LRFN3: variants seen among roughly 807,000 people sequenced by gnomAD.
The protein encoded by LRFN3 is leucine rich repeat and fibronectin type III domain containing 3, also known as leucine-rich repeat and fibronectin type-III domain-containing protein 3.
In LRFN3, 8 loss-of-function variants were observed where a neutral mutation model predicts 23.8. The observed-to-expected ratio is 0.34, with a 90% CI of 0.20 to 0.61. LRFN3 has a LOEUF of 0.61. LRFN3 is among the 20% of genes least tolerant of loss of function. The probability of loss-of-function intolerance (pLI) is 0.80; values close to 1 mark genes in which losing one functional copy is unlikely to be tolerated. For synonymous variants in LRFN3, 451 were observed against 450.6 expected, an observed-to-expected ratio of 1.00 and a Z score of -0.01; for missense variants, 736 against 935.3, an observed-to-expected ratio of 0.79 and a Z score of 2.78.
At position 35,939,425 on chromosome 19, in the gene LRFN3, G is replaced by C. The variant is rs141212692; in HGVS notation, c.-1G>C. 103 of 1,578,068 alleles carry C rather than the reference G, an allele frequency of 6.5e-5. No individual in the cohort carries two copies. In the African/African-American group the frequency reaches 1.2e-3, roughly 18 times the overall value. On this transcript the variant is annotated 5_prime_UTR_variant, in exon 2 of 3. Coordinates refer to ENST00000246529, the MANE Select transcript of LRFN3 (RefSeq NM_024509.2). The surrounding 1 kb of genome is among the most constrained non-coding windows in gnomAD (Gnocchi z 6.4). ...TTCTCCGCAGGACACCCCTGCCCGC[G>C]ATGGCCATCCTCCCGTTGCTCCTGT...
Position 35,940,082 on chromosome 19 carries a change from C to A in LRFN3, c.657C>A (p.Ile219=), listed in dbSNP as rs761895890. 1 of 1,612,224 alleles carries A rather than the reference C, an allele frequency of 6.2e-7. No individual in the cohort carries two copies. The highest frequency in any genetic ancestry group is 1.1e-5 in the South Asian group (1 of 91,066). Residue 219 remains isoleucine (I), a synonymous_variant, in exon 2 of 3, where the codon ATC becomes ATA. Transcript: ENST00000246529. ...LDMTSNRLTT[I]PPDPLFSRLP... is the part of the protein sequence containing the mutation. Reference sequence around the variant, plus strand: ...TGACCTCCAACCGCCTGACCACAATCCCACCCGACCCACTCTTCTCCCGCC... The same window carrying A: ...TGACCTCCAACCGCCTGACCACAATACCACCCGACCCACTCTTCTCCCGCC...
Position 35,940,112 on chromosome 19 carries a change from C to T in LRFN3, c.687C>T (p.Pro229=), listed in dbSNP as rs1457554833. 2 of 1,611,648 alleles carry T rather than the reference C, an allele frequency of 1.2e-6. No individual in the cohort carries two copies. Among genetic ancestry groups the T allele is most frequent in the Non-Finnish European group, 1.7e-6 (2 of 1,179,504 alleles). The change falls in exon 2 of 3, where the codon CCC becomes CCT. Residue 229 remains proline (P), a synonymous_variant. Coordinates refer to ENST00000246529, the MANE Select transcript of LRFN3 (RefSeq NM_024509.2). ...CCGACCCACTCTTCTCCCGCCTGCC[C>T]CTGCTCGCCAGGCCCCGGGGCTCGC... ...IPPDPLFSRL[P]LLARPRGSPA...
Position 35,944,446 on chromosome 19 carries a change from G to C in LRFN3, c.1416-102G>C, listed in dbSNP as rs1976152957. 4.3e-6 allele frequency: 3 copies of C among 692,518 alleles called. No homozygotes were observed. In the South Asian group the frequency reaches 7.7e-5, roughly 18 times the overall value. 42.9% of individuals were successfully genotyped at this position (692,518 alleles called of 1,614,324 possible). The stretch of plus-strand genomic sequence containing the variant: ...TCATTGGGTAGAATGAAATGAAGGA[G>C]TGGACTGGTGGGAAGTCTAGCCCCG... On this transcript the variant is annotated intron_variant, in intron 2 of 2. Transcript: ENST00000246529. The surrounding 1 kb of genome is among the most constrained non-coding windows in gnomAD (Gnocchi z 4.5).
At position 35,940,164 on chromosome 19, in the gene LRFN3, G is replaced by A. The variant is rs1284544830; in HGVS notation, c.739G>A (p.Gly247Ser). The change falls in exon 2 of 3, where the codon GGC (glycine) becomes AGC (serine). Residue 247 changes from glycine to serine, a missense_variant. By Grantham distance (56) the Gly-to-Ser change is moderately conservative. Transcript: ENST00000246529. ...SPASALVLAF[G>S]GNPLHCNCEL... ...CGCCTCTGCCCTGGTGCTGGCCTTT[G>A]GCGGGAACCCCCTGCACTGCAACTG... 2 of 1,610,778 alleles carry A rather than the reference G, an allele frequency of 1.2e-6. No individual in the cohort carries two copies. Among genetic ancestry groups the A allele is most frequent in the African/African-American group, 1.3e-5 (1 of 75,044 alleles).
intron 2 of LRFN3, among the ~76,000 whole-genome samples, chr19:35,943,812 G>A (rs1976147415): frequency 6.6e-6 from 1 of 152,158 alleles, no homozygotes; most frequent in South Asian, 2.1e-4. Flanking sequence ...AATTGGGCAG[G>A]GAGGCTAGAG....
intron 1 of LRFN3, among the ~76,000 whole-genome samples, chr19:35,937,821 G>A (rs1181006942): frequency 6.6e-6 from 1 of 152,046 alleles, no homozygotes; most frequent in Non-Finnish European, 1.5e-5. Context: ...TGTCTATCCG[G>A]TCCGACCGTC....
chr19:35,940,569 A>T lies in LRFN3; in HGVS notation c.1144A>T (p.Thr382Ser). 17 of 1,612,542 alleles carry T rather than the reference A, an allele frequency of 1.1e-5. No homozygotes were observed. Among genetic ancestry groups the T allele is most frequent in the Non-Finnish European group, 1.4e-5 (17 of 1,179,584 alleles). Residue 382 changes from threonine to serine, a missense_variant, in exon 2 of 3, where the codon ACT becomes TCT. Coordinates refer to ENST00000246529, the MANE Select transcript of LRFN3 (RefSeq NM_024509.2). ...AGEATAAVEL[T>S]VGPPPPPQLA... is the part of the protein sequence containing the mutation. ...CGAGGCCACAGCTGCTGTGGAGCTG[A>T]CTGTGGGTCCCCCACCACCTCCTCA...
chr19:35,940,980 A>G, intron 2 of LRFN3, 140 bp downstream of exon 2: 1 of 1,288,202 alleles, frequency 7.8e-7, no homozygotes, highest in African/African-American at 1.5e-5. Context: ...AGAGAGCAAA[A>G]GTAAAAGAAA....
In LRFN3 at chr19:35,945,942, T is replaced by C. The variant is rs892617436; in HGVS notation, c.*923T>C. 6.6e-6 allele frequency among the ~76,000 whole-genome samples: 1 copy of C among 151,338 alleles called. No homozygotes were observed. Among genetic ancestry groups the C allele is most frequent in the African/African-American group, 2.4e-5 (1 of 41,068 alleles). On this transcript the variant is annotated 3_prime_UTR_variant, in exon 3 of 3. Transcript: ENST00000246529. ...AAGCTGGGGCAGGGACCTGGGTGGG[T>C]GAGGACGAAGTTGGACCAGCTGGGC...
Position 35,939,420 on chromosome 19 carries a change from C to A in LRFN3, c.-6C>A. The A allele has an allele frequency of 6.4e-7, 1 of 1,573,334 alleles. No homozygotes were observed. On this transcript the variant is annotated 5_prime_UTR_variant, in exon 2 of 3. Coordinates refer to ENST00000246529, the MANE Select transcript of LRFN3 (RefSeq NM_024509.2). This position sits in a 1 kb window ranked among gnomAD's most constrained non-coding sequence, Gnocchi z 6.4. ...CCCTCTTCTCCGCAGGACACCCCTGCCCGCGATGGCCATCCTCCCGTTGCT... is the reference window on the plus strand; with the variant it reads ...CCCTCTTCTCCGCAGGACACCCCTGACCGCGATGGCCATCCTCCCGTTGCT...
intron 2 of LRFN3, among the ~76,000 whole-genome samples, chr19:35,941,726 G>T (rs1215619165): frequency 6.6e-6 from 1 of 152,122 alleles, no homozygotes; most frequent in Middle Eastern, 3.4e-3. Flanking sequence ...GCACCAGCAC[G>T]CCCAGCTAAT....
rs147375991 is a variant in LRFN3, at chr19:35,943,764, GT to G, written c.1416-783del. 4.5e-3 allele frequency among the ~76,000 whole-genome samples: 681 copies of G among 152,298 alleles called. 8 individuals carry two copies. The highest frequency in any genetic ancestry group is 0.016 in the African/African-American group (648 of 41,568). On this transcript the variant is annotated intron_variant, in intron 2 of 2. Transcript: ENST00000246529. ...TGGTGAACTGGAGAGATGACTGGCA[GT>G]GGGACCAGAGTGAAATCAGGCAGAG...
In LRFN3 at chr19:35,937,044, G is replaced by C. The variant is rs1976065471; in HGVS notation, c.-528G>C. 1 of 152,116 alleles carries C rather than the reference G, an allele frequency of 6.6e-6. No individual in the cohort carries two copies. The highest frequency in any genetic ancestry group is 1.5e-5 in the Non-Finnish European group (1 of 68,058). 9.4% of individuals were successfully genotyped at this position (152,116 alleles called of 1,614,324 possible). A position where few individuals can be genotyped will look rare whatever the true frequency, so the allele number is the denominator to read the frequency against. ...AATCTGGGACTGGATTTCCAGTACT[G>C]TACCCTGGAACCCACTCTTGGGGAC... On this transcript the variant is annotated 5_prime_UTR_variant, in exon 1 of 3. Coordinates refer to ENST00000246529, the MANE Select transcript of LRFN3 (RefSeq NM_024509.2).
rs1976062925 is a variant in LRFN3, at chr19:35,936,813, T to A, written c.-759T>A. On this transcript the variant is annotated 5_prime_UTR_variant, in exon 1 of 3. Transcript: ENST00000246529. ...CTGATCTGGGACCAGCACCCCGAGATCCGGCCGTGGAACCCCAAGATCTGG... is the reference window on the plus strand; with the variant it reads ...CTGATCTGGGACCAGCACCCCGAGAACCGGCCGTGGAACCCCAAGATCTGG... The A allele has an allele frequency of 6.6e-6, 1 of 152,092 alleles. No individual in the cohort carries two copies. The highest frequency in any genetic ancestry group is 1.5e-5 in the Non-Finnish European group (1 of 68,052). 9.4% of individuals were successfully genotyped at this position (152,092 alleles called of 1,614,324 possible). A position where few individuals can be genotyped will look rare whatever the true frequency, so the allele number is the denominator to read the frequency against.
intron 2 of LRFN3, among the ~76,000 whole-genome samples, chr19:35,942,129 G>T (rs193301740): frequency 4.4e-4 from 67 of 152,210 alleles, no homozygotes; most frequent in African/African-American, 1.6e-3. Context: ...TGATCCACCC[G>T]CCTCGGCCTC....
intron 2 of LRFN3, among the ~76,000 whole-genome samples, chr19:35,943,050 C>T (rs1396086729): frequency 6.7e-6 from 1 of 150,184 alleles, no homozygotes; most frequent in Non-Finnish European, 1.5e-5. Context: ...AAAAAAGTCA[C>T]ACAAGTCCTG....
rs1436002351 is a variant in LRFN3, at chr19:35,939,900, GA to G, written c.476del (p.Glu159GlyfsTer53). On this transcript the variant is annotated frameshift_variant, in exon 2 of 3. Coordinates refer to ENST00000246529, the MANE Select transcript of LRFN3 (RefSeq NM_024509.2). LOFTEE classifies it high-confidence loss of function. The surrounding 1 kb of genome is among the most constrained non-coding windows in gnomAD (Gnocchi z 6.4). The part of the protein sequence containing the change: ...GALDDCAETL[E>X]DLDLSYNNLE... ...CCTGGATGATTGTGCCGAGACACTG[GA>G]GGACCTCGACCTCTCCTACAACAAC... 1.2e-6 allele frequency: 2 copies of G among 1,602,470 alleles called. No homozygotes were observed. The highest frequency in any genetic ancestry group is 8.5e-7 in the Non-Finnish European group (1 of 1,179,820).
In LRFN3 at chr19:35,946,549, G is replaced by A. The variant is rs1976180454; in HGVS notation, c.*1530G>A. Among the ~76,000 whole-genome samples the A allele has an allele frequency of 6.6e-6, 1 of 152,040 alleles. No individual in the cohort carries two copies. The highest frequency in any genetic ancestry group is 1.5e-5 in the Non-Finnish European group (1 of 67,986). ...AGGACCAGCAGGCAGAGGGACAGGG[G>A]GAAGAAGACCAAGCAATTCAGACCC... On this transcript the variant is annotated 3_prime_UTR_variant, in exon 3 of 3. Coordinates refer to ENST00000246529, the MANE Select transcript of LRFN3 (RefSeq NM_024509.2).
intron 2 of LRFN3, among the ~76,000 whole-genome samples, chr19:35,942,929 T>C (rs1487738824): frequency 1.3e-5 from 2 of 151,388 alleles, no homozygotes. Flanking sequence ...CTCAGGAGGC[T>C]GAGGCAGGAG....
Sources: gnomAD v4.1 joint callset for allele counts (sites outside exome capture counted in the v4.1 genomes callset) on GRCh38, gnomAD v4.1.1 for gene constraint, Gnocchi (gnomAD v3.1) non-coding constraint, MANE v1.5 for transcripts, NCBI Gene and HGNC (gene_info 2026-07-23, HGNC 2026-07-21) for gene names.